The following FUT8 variants were observed in gnomAD, a reference collection of about 807,000 sequenced individuals.
FUT8 encodes the protein fucosyltransferase 8.
FUT8 carries 29 observed loss-of-function variants against 71.3 expected under a neutral mutation model. The ratio of observed to expected loss-of-function variants is 0.41; its 90% CI spans 0.30 to 0.55. The LOEUF (loss-of-function observed/expected upper bound fraction) is 0.55, where lower values mean the gene tolerates loss of function less well. Among genes scored for constraint, FUT8 ranks in the 20% least tolerant of loss-of-function variants. The pLI is 0.34. For synonymous variants in FUT8, 254 were observed against 239.3 expected, an observed-to-expected ratio of 1.06 and a Z score of -0.57; for missense variants, 544 against 702.1, an observed-to-expected ratio of 0.77 and a Z score of 2.55.
chr14:65,692,331 A>G (rs1296116456), intron 7 of FUT8, among the ~76,000 whole-genome samples: 4 of 117,648 alleles, frequency 3.4e-5, no homozygotes, highest in Admixed American at 8.5e-5. Flanking sequence ...CTCACCTCCC[A>G]GACGGGGCGG....
At chr14:65,366,270 A>G in the FUT8 span, among the ~76,000 whole-genome samples, 1 of 152,212 alleles carries the variant, frequency 6.6e-6, no homozygotes, top group African/African-American at 2.4e-5. Context: ...AGACACTGTA[A>G]TGTTGTGCAG....
At chr14:65,625,305 C>G (rs1341379435) in intron 5 of FUT8, among the ~76,000 whole-genome samples, 1 of 152,064 alleles carries the variant, frequency 6.6e-6, no homozygotes, top group East Asian at 1.9e-4. Context: ...TAGTTAAAGA[C>G]TTTTGTGTTT....
intron 5 of FUT8, 50 bp downstream of exon 5, chr14:65,616,423 C>A: frequency 7.0e-7 from 1 of 1,425,174 alleles, no homozygotes; most frequent in Non-Finnish European, 9.5e-7. Context: ...AGATTATAAT[C>A]TAAGAATGAG....
In FUT8 at chr14:65,743,345, T is replaced by C. The variant is rs1196466892; in HGVS notation, c.*935T>C. The C allele has an allele frequency of 2.0e-5, 3 of 151,936 alleles. No homozygotes were observed. The highest frequency in any genetic ancestry group is 2.0e-4 in the Admixed American group (3 of 15,236). 9.4% of individuals were successfully genotyped at this position (151,936 alleles called of 1,614,324 possible). A position where few individuals can be genotyped will look rare whatever the true frequency, so the allele number is the denominator to read the frequency against. On this transcript the variant is annotated 3_prime_UTR_variant, in exon 11 of 11. Coordinates refer to ENST00000673929, the MANE Select transcript of FUT8 (RefSeq NM_001371533.1). ...GAAAACCAATTTTCATTGGTACACA[T>C]TACAAAATTGCTAAGAACACTGTTT...
intron 2 of FUT8, among the ~76,000 whole-genome samples, chr14:65,525,227 G>A (rs1277357974): frequency 6.6e-6 from 1 of 152,160 alleles, no homozygotes; most frequent in Non-Finnish European, 1.5e-5. Context: ...ATTAATCATT[G>A]CCTCAATTTC....
At chr14:65,712,289 C>T (rs781300867) in intron 7 of FUT8, among the ~76,000 whole-genome samples, 1 of 152,160 alleles carries the variant, frequency 6.6e-6, no homozygotes. Context: ...GATAGAACAT[C>T]AGTAACATTC....
intron 7 of FUT8, among the ~76,000 whole-genome samples, chr14:65,717,606 C>T (rs1895187117): frequency 1.4e-5 from 2 of 140,548 alleles, no homozygotes; most frequent in South Asian, 2.3e-4. Flanking sequence ...ACGGGGCGGC[C>T]GGGCAGAGGC....
At chr14:65,651,526 A>G (rs1204236129) in intron 6 of FUT8, among the ~76,000 whole-genome samples, 1 of 152,224 alleles carries the variant, frequency 6.6e-6, no homozygotes, top group Non-Finnish European at 1.5e-5. Context: ...AACCAAGAAA[A>G]TCTTAATTCG....
chr14:65,629,433 G>A, intron 5 of FUT8, 59 bp from the exon 6 acceptor site: 2 of 1,038,562 alleles, frequency 1.9e-6, no homozygotes, highest in South Asian at 1.3e-5. Context: ...TTAAGACTTT[G>A]TGTAATCCAG....
chr14:65,506,171 C>T (rs1039958225), intron 2 of FUT8, among the ~76,000 whole-genome samples: 6 of 152,034 alleles, frequency 3.9e-5, no homozygotes, highest in Non-Finnish European at 7.4e-5. Flanking sequence ...ATGGTTCTTT[C>T]GGATTTCTTA....
At chr14:65,398,342 GAAGACCAAGAC>G in the FUT8 span, among the ~76,000 whole-genome samples, 1 of 152,008 alleles carries the variant, frequency 6.6e-6, no homozygotes, top group African/African-American at 2.4e-5. Flanking sequence ...TTGTTTATTA[GAAGACCAAGAC>G]AGTACCAACA....
chr14:65,545,237 A>G (rs919163648), intron 2 of FUT8, among the ~76,000 whole-genome samples: 2 of 152,068 alleles, frequency 1.3e-5, no homozygotes, highest in African/African-American at 2.4e-5. Context: ...AAAGATTTTA[A>G]TAAATTCTGT....
At chr14:65,382,903 CTT>C in the FUT8 span, among the ~76,000 whole-genome samples, 1 of 148,440 alleles carries the variant, frequency 6.7e-6, no homozygotes, top group East Asian at 2.0e-4. Flanking sequence ...TGCCCCAAAT[CTT>C]TTTTTTTTGC....
chr14:65,432,393 CTT>C lies in FUT8; in HGVS notation c.-326+19192_-326+19193del, dbSNP rs5809274. Among the ~76,000 whole-genome samples, 556 of 144,248 alleles carry C rather than the reference CTT, an allele frequency of 3.9e-3. 6 individuals carry two copies. Among genetic ancestry groups the C allele is most frequent in the African/African-American group, 0.01 (399 of 39,198 alleles). The allele number at this position is 144,248 out of a possible 152,430, so 94.6% of individuals were successfully genotyped here. ...TTTAAAATGTATTTTTTCTACTTTC[CTT>C]TTTTTTTTTTTTAAATTATTGGCTT... On this transcript the variant is annotated intron_variant, in intron 1 of 10. Coordinates refer to ENST00000673929, the MANE Select transcript of FUT8 (RefSeq NM_001371533.1).
the FUT8 span, among the ~76,000 whole-genome samples, chr14:65,400,925 T>C: frequency 1.3e-5 from 2 of 152,232 alleles, no homozygotes; most frequent in Non-Finnish European, 2.9e-5. Context: ...GACAGTTTTG[T>C]ACCATTATCA....
the FUT8 span, among the ~76,000 whole-genome samples, chr14:65,389,930 C>T: frequency 6.6e-6 from 1 of 151,186 alleles, no homozygotes; most frequent in Non-Finnish European, 1.5e-5. Flanking sequence ...ATCATGAGGT[C>T]AGGAGATCGA....
intron 9 of FUT8, among the ~76,000 whole-genome samples, chr14:65,729,034 G>GT (rs557668131): frequency 0.03 from 3,058 of 103,648 alleles, 170 homozygotes; most frequent in African/African-American, 0.089. Context: ...TTGTAAACAT[G>GT]TTTTTTTTTT....
chr14:65,511,781 G>C (rs1243729287), intron 2 of FUT8, among the ~76,000 whole-genome samples: 1 of 152,136 alleles, frequency 6.6e-6, no homozygotes, highest in African/African-American at 2.4e-5. Context: ...ATCTGTGTGT[G>C]TCTTTATAGG....
In FUT8 at chr14:65,744,041, GA is replaced by G. The variant is rs1896622945; in HGVS notation, c.*1637del. 6.6e-6 allele frequency: 1 copy of G among 151,688 alleles called. No individual in the cohort carries two copies. The highest frequency in any genetic ancestry group is 2.1e-4 in the South Asian group (1 of 4,826). The allele number at this position is 151,688 out of a possible 1,614,324, so 9.4% of individuals were successfully genotyped here. ...TTTTTCTCAAGTCAAGCCTCCCAAA[GA>G]AAAAAGAAATTAACTTCCTACAGTG... On this transcript the variant is annotated 3_prime_UTR_variant, in exon 11 of 11. Transcript: ENST00000673929.
Sources: gnomAD v4.1 joint callset for allele counts (sites outside exome capture counted in the v4.1 genomes callset) on GRCh38, gnomAD v4.1.1 for gene constraint, MANE v1.5 for transcripts, NCBI Gene and HGNC (gene_info 2026-07-23, HGNC 2026-07-21) for gene names.